MAP3K2: variants seen among roughly 807,000 people sequenced by gnomAD.
MAP3K2 encodes the protein MAP/ERK kinase kinase 2.
A neutral mutation model predicts 80.3 loss-of-function variants in MAP3K2; 24 were observed. The ratio of observed to expected loss-of-function variants is 0.30; its 90% CI spans 0.22 to 0.42. MAP3K2 has a LOEUF of 0.42. Among genes scored for constraint, MAP3K2 ranks in the 10% least tolerant of loss-of-function variants. The pLI, the probability that MAP3K2 is intolerant of heterozygous loss-of-function variation, is 1.00. For missense variants in MAP3K2, 608 were observed against 750.1 expected (o/e 0.81, Z 2.21); for synonymous variants, 244 against 253.7 (o/e 0.96, Z 0.36).
intron 5 of MAP3K2, among the ~76,000 whole-genome samples, chr2:127,333,957 G>C (rs1276045469): frequency 2.0e-5 from 3 of 152,000 alleles, no homozygotes; most frequent in African/African-American, 7.3e-5. Flanking sequence ...AAATTATCCG[G>C]GAGCAGTGGT....
intron 6 of MAP3K2, 71 bp downstream of exon 6, chr2:127,330,319 TTA>T (rs1183681172): frequency 1.3e-5 from 9 of 686,150 alleles, no homozygotes; most frequent in Non-Finnish European, 2.2e-5. Flanking sequence ...TAGAATATAA[TTA>T]TGTTTCATAT....
chr2:127,348,340 A>G (rs1686634167), intron 1 of MAP3K2, among the ~76,000 whole-genome samples: 1 of 152,128 alleles, frequency 6.6e-6, no homozygotes, highest in Admixed American at 6.5e-5. Flanking sequence ...GTGAGCCCAC[A>G]TTACGCCACT....
intron 1 of MAP3K2, 54 bp downstream of exon 1, chr2:127,387,398 G>GCGCGCGCGCACACACACACCCACACACA: frequency 5.3e-6 from 1 of 189,654 alleles, no homozygotes; most frequent in Non-Finnish European, 8.7e-6. Flanking sequence ...ACACACGCGC[G>GCGCGCGCGCACACACACACCCACACACA]CACACACACA....
At chr2:127,338,336 T>A (rs533661484) in intron 3 of MAP3K2, among the ~76,000 whole-genome samples, 14 of 152,226 alleles carry the variant, frequency 9.2e-5, no homozygotes, top group South Asian at 2.1e-4. Context: ...TTAAAAAAAA[T>A]TTTTTTAACT....
At chr2:127,316,148 G>A (rs1046962960) in intron 14 of MAP3K2, among the ~76,000 whole-genome samples, 19 of 149,796 alleles carry the variant, frequency 1.3e-4, no homozygotes, top group South Asian at 4.3e-4. Flanking sequence ...CGAGGCAGGC[G>A]GGATCACCTG....
chr2:127,333,930 C>A (rs1251039755), intron 5 of MAP3K2, among the ~76,000 whole-genome samples: 2 of 152,096 alleles, frequency 1.3e-5, no homozygotes, highest in Non-Finnish European at 2.9e-5. Flanking sequence ...GAAACCCCGC[C>A]TCTACCAAAA....
Position 127,387,903 on chromosome 2 carries a change from G to T in MAP3K2, c.-517C>A, listed in dbSNP as rs557743997. On this transcript the variant is annotated 5_prime_UTR_variant, in exon 1 of 17. Coordinates refer to ENST00000682094, the MANE Select transcript of MAP3K2 (RefSeq NM_001371910.2). ...GCAACCCCCGAACGCTGCGCCCAGC[G>T]GCCGCGGCACCCTCGTCAGGCGCCG... 2 of 981,964 alleles carry T rather than the reference G, an allele frequency of 2.0e-6. No homozygotes were observed. The highest frequency in any genetic ancestry group is 9.4e-5 in the South Asian group (2 of 21,238). The allele number at this position is 981,964 out of a possible 1,614,324, so 60.8% of individuals were successfully genotyped here.
chr2:127,373,813 A>G (rs939751420), intron 1 of MAP3K2, among the ~76,000 whole-genome samples: 5 of 152,196 alleles, frequency 3.3e-5, no homozygotes, highest in Admixed American at 2.6e-4. Flanking sequence ...AGACAATGCA[A>G]TCAGTTGCTA....
At chr2:127,319,325 C>T (rs751738140) in intron 12 of MAP3K2, among the ~76,000 whole-genome samples, 3 of 151,788 alleles carry the variant, frequency 2.0e-5, no homozygotes, top group Non-Finnish European at 4.4e-5. Context: ...CTCCTACTCC[C>T]GGAAGGTGGG....
At chr2:127,357,967 A>G (rs1218125252) in intron 1 of MAP3K2, among the ~76,000 whole-genome samples, 5 of 152,214 alleles carry the variant, frequency 3.3e-5, no homozygotes, top group African/African-American at 7.2e-5. Context: ...AAAAGAAAAA[A>G]ATGCATTGAA....
intron 1 of MAP3K2, among the ~76,000 whole-genome samples, chr2:127,373,081 T>C (rs1046075079): frequency 2.0e-5 from 3 of 152,174 alleles, no homozygotes; most frequent in South Asian, 2.1e-4. Context: ...CAGCAATCAA[T>C]AATGAAAGGC....
chr2:127,342,797 A>G lies in MAP3K2; in HGVS notation c.4+329T>C, dbSNP rs140594312. Among the ~76,000 whole-genome samples, 459 of 152,322 alleles carry G rather than the reference A, an allele frequency of 3.0e-3. 2 individuals are homozygous for G. The highest frequency in any genetic ancestry group is 5.2e-3 in the Non-Finnish European group (353 of 68,032). ...AGAGTTGTATAACATATTCTCCCTG[A>G]GCACCAATGATTTGCTGCTCTATGA... On this transcript the variant is annotated intron_variant, in intron 2 of 16. Transcript: ENST00000682094.
chr2:127,354,092 G>T (rs1303677254), intron 1 of MAP3K2, among the ~76,000 whole-genome samples: 1 of 151,802 alleles, frequency 6.6e-6, no homozygotes, highest in Non-Finnish European at 1.5e-5. Flanking sequence ...AGTACCCAGG[G>T]ACACAAACAC....
At chr2:127,311,101 T>G (rs1685799889) in intron 15 of MAP3K2, among the ~76,000 whole-genome samples, 1 of 152,114 alleles carries the variant, frequency 6.6e-6, no homozygotes, top group Admixed American at 6.5e-5. Context: ...TGTCTTTCTG[T>G]TCTACCAGCA....
intron 15 of MAP3K2, among the ~76,000 whole-genome samples, chr2:127,313,964 T>G (rs1252441948): frequency 6.6e-6 from 1 of 152,168 alleles, no homozygotes; most frequent in Non-Finnish European, 1.5e-5. Context: ...ACCATCATGC[T>G]GCTATTCATT....
Position 127,353,537 on chromosome 2 carries a change from G to A in MAP3K2, c.-65-10343C>T, listed in dbSNP as rs569880400. ...CGTCTGGGAAGTGAGGAGTGTCTCC[G>A]TCCAGCAGCTGCCCCGTCCGGGAGG... On this transcript the variant is annotated intron_variant, in intron 1 of 16. Coordinates refer to ENST00000682094, the MANE Select transcript of MAP3K2 (RefSeq NM_001371910.2). Among the ~76,000 whole-genome samples the A allele has an allele frequency of 1.9e-3, 284 of 149,872 alleles. 6 individuals are homozygous for A. The highest frequency in any genetic ancestry group is 6.7e-3 in the African/African-American group (273 of 40,500).
intron 5 of MAP3K2, among the ~76,000 whole-genome samples, chr2:127,331,332 G>C (rs772745756): frequency 2.6e-5 from 4 of 152,104 alleles, no homozygotes; most frequent in Non-Finnish European, 5.9e-5. Context: ...AGGAGGAACA[G>C]AATAAAAACA....
At chr2:127,335,815 C>G in intron 5 of MAP3K2, 55 bp downstream of exon 5, 1 of 953,544 alleles carries the variant, frequency 1.0e-6, no homozygotes, top group Non-Finnish European at 1.6e-6. Flanking sequence ...GTCTCTTAAA[C>G]GAACACATTA....
chr2:127,354,208 CCCT>C (rs1686757865), intron 1 of MAP3K2, among the ~76,000 whole-genome samples: 1 of 149,104 alleles, frequency 6.7e-6, no homozygotes, highest in Non-Finnish European at 1.5e-5. Flanking sequence ...TGCCAAATAC[CCCT>C]CTGCGAGAAA....
Sources: gnomAD v4.1 joint callset for allele counts (sites outside exome capture counted in the v4.1 genomes callset) on GRCh38, gnomAD v4.1.1 for gene constraint, MANE v1.5 for transcripts, NCBI Gene and HGNC (gene_info 2026-07-23, HGNC 2026-07-21) for gene names.